Variants in PTPRE observed in about 807,000 individuals in gnomAD.
PTPRE encodes the protein protein tyrosine phosphatase receptor type E, also known as receptor-type tyrosine-protein phosphatase epsilon.
Under a neutral mutation model 102.0 loss-of-function variants are expected in PTPRE, and 51 were observed. The ratio of observed to expected loss-of-function variants is 0.50; its 90% CI spans 0.40 to 0.63. The LOEUF is 0.63. Ranked by LOEUF, PTPRE falls within the 30% of genes least tolerant of loss-of-function variation. The pLI, the probability that PTPRE is intolerant of heterozygous loss-of-function variation, is 0.00. For missense variants in PTPRE, 752 were observed against 915.1 expected, an observed-to-expected ratio of 0.82 and a Z score of 2.30; for synonymous variants, 345 against 348.2, an observed-to-expected ratio of 0.99 and a Z score of 0.10.
intron 1 of PTPRE, among the ~76,000 whole-genome samples, chr10:127,918,106 T>C (rs540992682): frequency 6.6e-6 from 1 of 152,126 alleles, no homozygotes; most frequent in South Asian, 2.1e-4. Context: ...TGCTCCCACT[T>C]ACAAAGTAGG....
intron 2 of PTPRE, among the ~76,000 whole-genome samples, chr10:128,018,030 C>T (rs533032499): frequency 1.3e-5 from 2 of 152,310 alleles, no homozygotes; most frequent in South Asian, 4.1e-4. Flanking sequence ...GGCACAAACT[C>T]GCTGGGCTTC....
chr10:127,960,889 T>C (rs1277480254), intron 1 of PTPRE, among the ~76,000 whole-genome samples: 5 of 151,778 alleles, frequency 3.3e-5, no homozygotes, highest in Admixed American at 6.6e-5. Context: ...GGCGTGGTGG[T>C]GGTCACCTGT....
chr10:128,047,957 A>G, intron 5 of PTPRE, 120 bp downstream of exon 5: 1 of 960,630 alleles, frequency 1.0e-6, no homozygotes, highest in South Asian at 1.8e-5. Flanking sequence ...TGCCACTTTC[A>G]TCTCACTCTA....
At chr10:128,034,121 C>T (rs1847001311) in intron 2 of PTPRE, among the ~76,000 whole-genome samples, 1 of 152,184 alleles carries the variant, frequency 6.6e-6, no homozygotes, top group African/African-American at 2.4e-5. Flanking sequence ...CACTTTCTCT[C>T]TCCTGCTCAT....
At chr10:128,049,185 G>A (rs372536709) in intron 5 of PTPRE, among the ~76,000 whole-genome samples, 43 of 149,538 alleles carry the variant, frequency 2.9e-4, no homozygotes, top group African/African-American at 7.8e-4. Flanking sequence ...GAGTGAGGCC[G>A]TCTTGAATCC....
At chr10:127,977,363 A>G (rs976490250) in intron 1 of PTPRE, among the ~76,000 whole-genome samples, 4 of 152,260 alleles carry the variant, frequency 2.6e-5, no homozygotes, top group African/African-American at 9.6e-5. Context: ...AGATATACTC[A>G]TAGAAACATG....
chr10:127,968,318 G>A (rs1193915979), intron 1 of PTPRE, among the ~76,000 whole-genome samples: 2 of 152,196 alleles, frequency 1.3e-5, no homozygotes, highest in Non-Finnish European at 2.9e-5. Context: ...GGTGGGGGGA[G>A]GGGAAGGTGA....
chr10:128,041,259 C>T (rs1021436707), intron 3 of PTPRE, among the ~76,000 whole-genome samples: 1 of 152,218 alleles, frequency 6.6e-6, no homozygotes, highest in South Asian at 2.1e-4. Flanking sequence ...GGCAGGAGTG[C>T]AAAAGGGTTA....
At chr10:128,037,455 G>A (rs1051211529) in intron 2 of PTPRE, among the ~76,000 whole-genome samples, 2 of 152,146 alleles carry the variant, frequency 1.3e-5, no homozygotes, top group African/African-American at 2.4e-5. Flanking sequence ...ATGGGAGTGG[G>A]GTATCAGGGT....
At position 128,008,524 on chromosome 10, in the gene PTPRE, A is replaced by G. The variant is rs115549620; in HGVS notation, c.-8+26228A>G. The stretch of plus-strand genomic sequence containing the variant: ...AATATCCCCTTTATTCTAGTAGGTC[A>G]GGGGACTCTGGAGTTGGGGGTGGTA... On this transcript the variant is annotated intron_variant, in intron 2 of 20. Coordinates refer to ENST00000254667, the MANE Select transcript of PTPRE (RefSeq NM_006504.6). This position sits in a 1 kb window ranked among gnomAD's most constrained non-coding sequence, Gnocchi z 4.0. Among the ~76,000 whole-genome samples, 2,253 of 152,282 alleles carry G rather than the reference A, an allele frequency of 0.015. 55 individuals are homozygous for G. Among genetic ancestry groups the G allele is most frequent in the African/African-American group, 0.05 (2,074 of 41,554 alleles).
At chr10:128,066,742 C>G (rs4750683) in intron 11 of PTPRE, among the ~76,000 whole-genome samples, 124,445 of 152,250 alleles carry the variant, frequency 0.82, 51,407 homozygotes, top group African/African-American at 0.94. Flanking sequence ...TTTAAAGATA[C>G]AGTCATTGGC....
intron 2 of PTPRE, among the ~76,000 whole-genome samples, chr10:128,036,447 G>T (rs1389659884): frequency 1.3e-5 from 2 of 152,168 alleles, no homozygotes; most frequent in African/African-American, 4.8e-5. Flanking sequence ...TTCGGTGAGG[G>T]TTGATGAGGT....
At chr10:127,994,724 T>TAAG (rs1177515313) in intron 2 of PTPRE, among the ~76,000 whole-genome samples, 9 of 152,224 alleles carry the variant, frequency 5.9e-5, no homozygotes, top group Non-Finnish European at 8.8e-5. Context: ...TGTTTTGTTT[T>TAAG]ATTTTGTGGC....
chr10:127,938,343 T>A (rs1353896996), intron 1 of PTPRE, among the ~76,000 whole-genome samples: 3 of 151,974 alleles, frequency 2.0e-5, no homozygotes, highest in Admixed American at 6.5e-5. Flanking sequence ...GAGTCAACAA[T>A]TAGAAAAAAA....
At chr10:127,999,409 G>A (rs1477869761) in intron 2 of PTPRE, 1 of 326,552 alleles carries the variant, frequency 3.1e-6, no homozygotes, top group Non-Finnish European at 4.4e-6. Context: ...TGTGAACCAC[G>A]GGGGGAATCA....
chr10:128,020,060 G>A (rs1010729941), intron 2 of PTPRE, among the ~76,000 whole-genome samples: 9 of 22,524 alleles, frequency 4.0e-4, no homozygotes, highest in East Asian at 1.3e-3. Context: ...GCGCGCACGT[G>A]TGTGTGTGTG....
intron 2 of PTPRE, among the ~76,000 whole-genome samples, chr10:127,990,711 T>G (rs1187237283): frequency 6.6e-6 from 1 of 152,204 alleles, no homozygotes; most frequent in Non-Finnish European, 1.5e-5. Flanking sequence ...GTGAATGTTT[T>G]GTCATCTTCC....
intron 2 of PTPRE, among the ~76,000 whole-genome samples, chr10:127,995,823 GCACACACACA>G (rs143328396): frequency 3.3e-4 from 49 of 148,320 alleles, no homozygotes; most frequent in East Asian, 8.0e-4. Context: ...CTCTACACGA[GCACACACACA>G]CACACACACA....
chr10:128,022,558 C>G (rs1262962565), intron 2 of PTPRE, among the ~76,000 whole-genome samples: 1 of 152,182 alleles, frequency 6.6e-6, no homozygotes, highest in Non-Finnish European at 1.5e-5. Context: ...GGTCACCCTC[C>G]CACAGTTTCA....
Sources: allele counts gnomAD v4.1 joint callset (sites outside exome capture counted in the v4.1 genomes callset), GRCh38; gene constraint gnomAD v4.1.1; non-coding constraint Gnocchi (gnomAD v3.1); transcripts MANE v1.5; gene names NCBI Gene and HGNC (gene_info 2026-07-23, HGNC 2026-07-21).